Variants in PLAC9 observed in about 807,000 individuals in gnomAD.
The protein encoded by PLAC9 is placenta associated 9.
Under a neutral mutation model 11.5 loss-of-function variants are expected in PLAC9, and 12 were observed. That is an observed-to-expected ratio of 1.05 (90% CI 0.67 to 1.69). The LOEUF is 1.69. Ranked by LOEUF, PLAC9 falls within the 40% of genes most tolerant of loss-of-function variation. The probability of loss-of-function intolerance (pLI) is 0.00; values close to 1 mark genes in which losing one functional copy is unlikely to be tolerated. For missense variants in PLAC9, 132 were observed against 130.5 expected (o/e 1.01, Z -0.06); for synonymous variants, 62 against 58.1 (o/e 1.07, Z -0.31).
In PLAC9 at chr10:80,138,546, T is replaced by TCCA. The variant is rs370192959; in HGVS notation, c.65-3535_65-3534insCAC. ...AAGGACATTTTGTCTCTGGTCCTGT[T>TCCA]CTCATCTCTGAGTGGAAGTGCTGAG... On this transcript the variant is annotated intron_variant, in intron 1 of 3. Coordinates refer to ENST00000372263, the MANE Select transcript of PLAC9 (RefSeq NM_001012973.3). 3.2e-4 allele frequency among the ~76,000 whole-genome samples: 48 copies of TCCA among 152,320 alleles called. 1 individual carries two copies. In the East Asian group the frequency reaches 8.5e-3, roughly 27 times the overall value.
chr10:80,136,225 C>T (rs575291250), intron 1 of PLAC9, among the ~76,000 whole-genome samples: 1 of 152,290 alleles, frequency 6.6e-6, no homozygotes, highest in Admixed American at 6.5e-5. Flanking sequence ...CCCATGGCCA[C>T]CATCCAGGGT....
intron 1 of PLAC9, 31 bp downstream of exon 1, chr10:80,132,857 C>G: frequency 2.7e-6 from 4 of 1,473,114 alleles, no homozygotes; most frequent in South Asian, 1.3e-5. Flanking sequence ...GGCAGGGGAC[C>G]TGGAGCCGGG....
intron 1 of PLAC9, among the ~76,000 whole-genome samples, chr10:80,139,439 C>T (rs560581309): frequency 2.0e-3 from 308 of 152,320 alleles, no homozygotes; most frequent in Middle Eastern, 3.4e-3. Context: ...CTTGCCTCCA[C>T]CACATCCATC....
At chr10:80,133,966 G>T (rs1240602627) in intron 1 of PLAC9, among the ~76,000 whole-genome samples, 1 of 148,780 alleles carries the variant, frequency 6.7e-6, no homozygotes, top group Non-Finnish European at 1.5e-5. Flanking sequence ...AAAAGAAGAA[G>T]GAAAGGAGGA....
intron 1 of PLAC9, among the ~76,000 whole-genome samples, chr10:80,138,689 G>A (rs1406993854): frequency 6.6e-6 from 1 of 152,152 alleles, no homozygotes. Flanking sequence ...TGACCTTGGG[G>A]AAATCACTCA....
chr10:80,143,987 G>T, intron 2 of PLAC9: 1 of 548,726 alleles, frequency 1.8e-6, no homozygotes. Flanking sequence ...ATCCAAATCT[G>T]TGACTAAGTG....
chr10:80,132,643 T>G, upstream of PLAC9: 1 of 795,182 alleles, frequency 1.3e-6, no homozygotes, highest in East Asian at 3.5e-5. Context: ...AGCCAGAAAG[T>G]CCGGAGCCGC....
chr10:80,144,042 T>C (rs1845071252), intron 2 of PLAC9, 181 bp from the exon 3 acceptor site: 1 of 758,740 alleles, frequency 1.3e-6, no homozygotes, highest in Admixed American at 2.4e-5. Context: ...TAGGATATTG[T>C]CATCTGGGGA....
chr10:80,133,986 T>A (rs1844944122), intron 1 of PLAC9, among the ~76,000 whole-genome samples: 1 of 151,364 alleles, frequency 6.6e-6, no homozygotes, highest in South Asian at 2.1e-4. Context: ...AAAGTATTCA[T>A]GTATTAGTGT....
At chr10:80,132,119 A>G (rs1354637627), upstream of PLAC9, among the ~76,000 whole-genome samples, 1 of 152,204 alleles carries the variant, frequency 6.6e-6, no homozygotes, top group Non-Finnish European at 1.5e-5. Context: ...TCTTTAGTAT[A>G]TGCTAATTTC....
rs1293620017 is a variant in PLAC9 at position 80,132,826 on chromosome 10, G to T, written c.64G>T (p.Ala22Ser). 6.7e-7 allele frequency: 1 copy of T among 1,495,460 alleles called. No homozygotes were observed. The highest frequency in any genetic ancestry group is 1.3e-5 in the South Asian group (1 of 79,666). 92.6% of individuals were successfully genotyped at this position (1,495,460 alleles called of 1,614,324 possible). A position where few individuals can be genotyped will look rare whatever the true frequency, so the allele number is the denominator to read the frequency against. ...GCTCCGCGCCGCGGGCTCTTTGGCCGGTGAGTGGGGCGCAGGGCGCGGCAG... is the reference window on the plus strand; with the variant it reads ...GCTCCGCGCCGCGGGCTCTTTGGCCTGTGAGTGGGGCGCAGGGCGCGGCAG... Reference protein sequence around the residue: ...ALLRAAGSLAAAEPFSPPRGD... With the variant: ...ALLRAAGSLASAEPFSPPRGD... The change falls in exon 1 of 4, where the codon GCT becomes TCT. Residue 22 changes from alanine (A) to serine (S), a missense_variant and splice_region_variant. Coordinates refer to ENST00000372263, the MANE Select transcript of PLAC9 (RefSeq NM_001012973.3).
At chr10:80,141,070 C>T (rs1845035202) in intron 1 of PLAC9, among the ~76,000 whole-genome samples, 1 of 152,272 alleles carries the variant, frequency 6.6e-6, no homozygotes, top group Admixed American at 6.5e-5. Flanking sequence ...GCATGGTAAG[C>T]ACTCATCACA....
In PLAC9 at chr10:80,145,005, C is replaced by G; in HGVS notation, c.*95C>G. ...TCCTCTCGACTTCCTTCCTTAGCTT[C>G]ATGTGAAATAAAAGCTATTCTGGTC... is the stretch of plus-strand genomic sequence containing the variant. On this transcript the variant is annotated 3_prime_UTR_variant, in exon 4 of 4. Transcript: ENST00000372263. 6.9e-7 allele frequency: 1 copy of G among 1,446,452 alleles called. No homozygotes were observed. Among genetic ancestry groups the G allele is most frequent in the Non-Finnish European group, 9.5e-7 (1 of 1,051,314 alleles). 89.6% of individuals were successfully genotyped at this position (1,446,452 alleles called of 1,614,324 possible). A position where few individuals can be genotyped will look rare whatever the true frequency, so the allele number is the denominator to read the frequency against.
intron 1 of PLAC9, among the ~76,000 whole-genome samples, chr10:80,140,841 T>C (rs1589404916): frequency 6.6e-6 from 1 of 152,138 alleles, no homozygotes; most frequent in East Asian, 1.9e-4. Flanking sequence ...AATTGCAATA[T>C]TCTTTACCTC....
At chr10:80,137,689 C>T (rs59467258) in intron 1 of PLAC9, among the ~76,000 whole-genome samples, 8,554 of 152,132 alleles carry the variant, frequency 0.056, 318 homozygotes, top group Middle Eastern at 0.13. Flanking sequence ...CCGAGACAGG[C>T]GGATCACTTA....
intron 1 of PLAC9, among the ~76,000 whole-genome samples, chr10:80,138,948 T>C (rs1201988788): frequency 7.1e-6 from 1 of 141,512 alleles, no homozygotes; most frequent in Non-Finnish European, 1.5e-5. Context: ...AATTGCAATA[T>C]TCCTTTTTTT....
At chr10:80,135,950 C>A (rs971374411) in intron 1 of PLAC9, among the ~76,000 whole-genome samples, 2 of 152,166 alleles carry the variant, frequency 1.3e-5, no homozygotes, top group African/African-American at 4.8e-5. Context: ...GAAGATACAG[C>A]GGCACCTTTC....
At chr10:80,143,227 G>A (rs1845061152) in intron 2 of PLAC9, among the ~76,000 whole-genome samples, 4 of 150,548 alleles carry the variant, frequency 2.7e-5, no homozygotes, top group Admixed American at 1.3e-4. Context: ...TACCATGCCC[G>A]GCTAATTTTT....
chr10:80,132,915 G>C, intron 1 of PLAC9, 89 bp downstream of exon 1: 2 of 1,163,408 alleles, frequency 1.7e-6, no homozygotes, highest in Non-Finnish European at 2.3e-6. Flanking sequence ...GACGGAGAGA[G>C]AGCTGGACAC....
Sources: allele counts gnomAD v4.1 joint callset (sites outside exome capture counted in the v4.1 genomes callset), GRCh38; gene constraint gnomAD v4.1.1; transcripts MANE v1.5; gene names NCBI Gene and HGNC (gene_info 2026-07-23, HGNC 2026-07-21).